The following JARID2 variants were observed in gnomAD, a reference collection of about 807,000 sequenced individuals.
JARID2 encodes jumonji and AT-rich interaction domain containing 2, also known as protein Jumonji.
JARID2 carries 21 observed loss-of-function variants against 125.6 expected under a neutral mutation model. That is an observed-to-expected ratio of 0.17 (90% confidence interval 0.12 to 0.24). The LOEUF is 0.24. Ranked by LOEUF, JARID2 falls within the 10% of genes least tolerant of loss-of-function variation. The pLI is 1.00. For missense variants in JARID2, 1,303 were observed against 1,639.6 expected (o/e 0.79, Z 3.55); for synonymous variants, 736 against 661.6 (o/e 1.11, Z -1.73).
intron 1 of JARID2, among the ~76,000 whole-genome samples, chr6:15,350,190 C>A (rs369740617): frequency 6.6e-6 from 1 of 152,090 alleles, no homozygotes; most frequent in African/African-American, 2.4e-5. Flanking sequence ...ACATCAGTAA[C>A]GTCACAGAAT....
Position 15,469,270 on chromosome 6 carries a change from C to CTCTCTGTCTCTCTG in JARID2, c.670+580_670+593dup, listed in dbSNP as rs751705556. Among the ~76,000 whole-genome samples, 30 of 112,632 alleles carry CTCTCTGTCTCTCTG rather than the reference C, an allele frequency of 2.7e-4. No homozygotes were observed. In the East Asian group the frequency reaches 4.6e-3, roughly 17 times the overall value. The allele number at this position is 112,632 out of a possible 152,430, so 73.9% of individuals were successfully genotyped here. On this transcript the variant is annotated intron_variant, in intron 5 of 17. Transcript: ENST00000341776. ...GTGCCTAGTGGTCTTTTCTCTCTGT[C>CTCTCTGTCTCTCTG]TCTCTGTCTCTCTGTCTCTGTCTCT...
intron 3 of JARID2, among the ~76,000 whole-genome samples, chr6:15,433,557 A>G (rs1767063684): frequency 6.6e-6 from 1 of 152,062 alleles, no homozygotes; most frequent in Admixed American, 6.6e-5. Context: ...AGAGCAAACA[A>G]TGTGATTTAA....
At chr6:15,515,036 C>T (rs143132608) in intron 16 of JARID2, among the ~76,000 whole-genome samples, 13 of 115,914 alleles carry the variant, frequency 1.1e-4, no homozygotes, top group Non-Finnish European at 2.4e-4. Context: ...TTGGTGTGCT[C>T]TCTCTCTGTT....
chr6:15,415,048 T>C (rs1049548222), intron 3 of JARID2, among the ~76,000 whole-genome samples: 1 of 152,172 alleles, frequency 6.6e-6, no homozygotes, highest in Non-Finnish European at 1.5e-5. Flanking sequence ...AGCATCTGTT[T>C]AACAAAGCAC....
intron 1 of JARID2, among the ~76,000 whole-genome samples, chr6:15,273,170 G>A (rs552726734): frequency 2.6e-5 from 4 of 152,108 alleles, no homozygotes; most frequent in Admixed American, 6.6e-5. Context: ...TGGAAACATC[G>A]CAGTTGCATG....
At chr6:15,247,245 AGT>A (rs1426062867) in intron 1 of JARID2, among the ~76,000 whole-genome samples, 1 of 152,246 alleles carries the variant, frequency 6.6e-6, no homozygotes, top group Non-Finnish European at 1.5e-5. Flanking sequence ...AATGTTTTTA[AGT>A]GTGTACGTGA....
At chr6:15,486,988 G>A (rs920908811) in intron 5 of JARID2, among the ~76,000 whole-genome samples, 10 of 152,060 alleles carry the variant, frequency 6.6e-5, no homozygotes, top group African/African-American at 2.4e-4. Flanking sequence ...GGCTGGGGAG[G>A]CCTCAGGAAA....
At chr6:15,462,731 C>G (rs983122544) in intron 4 of JARID2, among the ~76,000 whole-genome samples, 2 of 152,170 alleles carry the variant, frequency 1.3e-5, no homozygotes, top group African/African-American at 4.8e-5. Context: ...TAGGGTCTTT[C>G]CAAAATACAG....
chr6:15,259,286 G>C (rs1165991768), intron 1 of JARID2, among the ~76,000 whole-genome samples: 6 of 152,200 alleles, frequency 3.9e-5, no homozygotes, highest in Non-Finnish European at 1.5e-5. Flanking sequence ...ACACTGCCCA[G>C]AGCACTAAAG....
chr6:15,489,836 G>A (rs894468724), intron 6 of JARID2, among the ~76,000 whole-genome samples: 2 of 152,156 alleles, frequency 1.3e-5, no homozygotes, highest in Non-Finnish European at 2.9e-5. Context: ...AGGTGTTGAC[G>A]GGGATCCTCT....
intron 5 of JARID2, among the ~76,000 whole-genome samples, chr6:15,484,710 G>A (rs1769783600): frequency 6.6e-6 from 1 of 152,196 alleles, no homozygotes; most frequent in Admixed American, 6.5e-5. Flanking sequence ...TGTTTTGAAG[G>A]GCGGGAAACC....
chr6:15,375,901 T>A (rs932904067), intron 2 of JARID2, among the ~76,000 whole-genome samples: 2 of 152,200 alleles, frequency 1.3e-5, no homozygotes, highest in African/African-American at 4.8e-5. Flanking sequence ...AAAACACCCA[T>A]ATTTTCTTAA....
intron 4 of JARID2, 121 bp downstream of exon 4, chr6:15,452,296 T>C: frequency 7.1e-7 from 1 of 1,409,312 alleles, no homozygotes. Context: ...CAACCTGGGT[T>C]GAGGGGGAAT....
intron 7 of JARID2, among the ~76,000 whole-genome samples, chr6:15,498,131 G>C (rs1343176332): frequency 6.6e-6 from 1 of 152,188 alleles, no homozygotes; most frequent in Non-Finnish European, 1.5e-5. Context: ...TAGCCCTCTA[G>C]GGTCCTGTAG....
intron 5 of JARID2, among the ~76,000 whole-genome samples, chr6:15,469,349 CTCTCTCTCTCTCCTCCCCT>C (rs1768934925): frequency 1.2e-5 from 1 of 80,058 alleles, no homozygotes. Flanking sequence ...GTCTCTCTCT[CTCTCTCTCTCTCCTCCCCT>C]TCTCCCCCTC....
chr6:15,496,477 T>C lies in JARID2; in HGVS notation c.1252T>C (p.Cys418Arg), dbSNP rs202037781. Residue 418 changes from cysteine to arginine, a missense_variant, in exon 7 of 18, where the codon TGC becomes CGC. Physicochemically the swap from Cys to Arg is radical, Grantham distance 180. Transcript: ENST00000341776. ...KVSGRLNPKSCTKEVGGRQLR... is the reference protein window; with the variant it reads ...KVSGRLNPKSRTKEVGGRQLR... ...CAGTGGCAGGTTGAACCCAAAGTCATGCACTAAGGAGGTGGGGGGGCGGCA... is the reference window on the plus strand; with the variant it reads ...CAGTGGCAGGTTGAACCCAAAGTCACGCACTAAGGAGGTGGGGGGGCGGCA... 1 of 1,610,492 alleles carries C rather than the reference T, an allele frequency of 6.2e-7. No homozygotes were observed. The highest frequency in any genetic ancestry group is 2.2e-5 in the East Asian group (1 of 44,700).
chr6:15,410,886 T>C (rs989476449), intron 3 of JARID2, among the ~76,000 whole-genome samples: 12 of 152,210 alleles, frequency 7.9e-5, no homozygotes. Flanking sequence ...CAGCAGTTAT[T>C]TTTATGTGGC....
At chr6:15,384,270 A>G (rs1764699488) in intron 2 of JARID2, among the ~76,000 whole-genome samples, 1 of 151,992 alleles carries the variant, frequency 6.6e-6, no homozygotes, top group South Asian at 2.1e-4. Context: ...AATTATTTGT[A>G]GAGATGGGGT....
At chr6:15,269,956 T>C (rs897489267) in intron 1 of JARID2, among the ~76,000 whole-genome samples, 24 of 152,246 alleles carry the variant, frequency 1.6e-4, no homozygotes, top group Admixed American at 1.4e-3. Flanking sequence ...TGAGTAATTA[T>C]ATGCAGACAT....
Sources: allele counts gnomAD v4.1 joint callset (sites outside exome capture counted in the v4.1 genomes callset), GRCh38; gene constraint gnomAD v4.1.1; transcripts MANE v1.5; gene names NCBI Gene and HGNC (gene_info 2026-07-23, HGNC 2026-07-21).